The following SPHKAP variants were observed in gnomAD, a reference collection of about 807,000 sequenced individuals.
SPHKAP encodes SPHK1 interactor, AKAP domain containing.
A neutral mutation model predicts 137.5 loss-of-function variants in SPHKAP; 67 were observed. That is an observed-to-expected ratio of 0.49 (90% confidence interval 0.40 to 0.60). The LOEUF (loss-of-function observed/expected upper bound fraction) is 0.60. Among genes scored for constraint, SPHKAP ranks in the 20% least tolerant of loss-of-function variants. The probability of loss-of-function intolerance (pLI) is 0.00; values close to 1 mark genes in which losing one functional copy is unlikely to be tolerated. For missense variants in SPHKAP, 2,097 were observed against 2,069.3 expected (o/e 1.01, Z -0.26); for synonymous variants, 813 against 785.3 (o/e 1.04, Z -0.59).
At chr2:228,122,447 C>T (rs1017789001) in intron 2 of SPHKAP, among the ~76,000 whole-genome samples, 7 of 152,174 alleles carry the variant, frequency 4.6e-5, no homozygotes, top group African/African-American at 1.4e-4. Flanking sequence ...CTGGAGGCAA[C>T]GAGAAGTGAG....
intron 2 of SPHKAP, among the ~76,000 whole-genome samples, chr2:228,114,850 A>C (rs1157744550): frequency 2.0e-5 from 3 of 152,096 alleles, no homozygotes; most frequent in East Asian, 1.9e-4. Context: ...TGATGTCAGC[A>C]CTGAGAATAT....
At chr2:228,070,092 C>A (rs972082086) in intron 3 of SPHKAP, among the ~76,000 whole-genome samples, 1 of 152,194 alleles carries the variant, frequency 6.6e-6, no homozygotes, top group African/African-American at 2.4e-5. Flanking sequence ...GGGATGCCAA[C>A]CCCTGTGCAG....
intron 3 of SPHKAP, among the ~76,000 whole-genome samples, chr2:228,043,845 A>C (rs1695937609): frequency 6.6e-6 from 1 of 152,208 alleles, no homozygotes; most frequent in Admixed American, 6.5e-5. Context: ...CCTTTAAAGT[A>C]ATAAAACATA....
In SPHKAP at chr2:228,158,326, C is replaced by CTTTTTTTTTT. The variant is rs55897294; in HGVS notation, c.32+23231_32+23240dup. Among the ~76,000 whole-genome samples, 9 of 133,058 alleles carry CTTTTTTTTTT rather than the reference C, an allele frequency of 6.8e-5. 2 individuals carry two copies. Among genetic ancestry groups the CTTTTTTTTTT allele is most frequent in the Middle Eastern group, 8.2e-3 (2 of 244 alleles). The allele number at this position is 133,058 out of a possible 152,430, so 87.3% of individuals were successfully genotyped here. ...AATTGTAATTGTAATTTACTTCTTT[C>CTTTTTTTTTT]TTTTTTTTTTTTTTTTTAGCACAGT... On this transcript the variant is annotated intron_variant, in intron 1 of 11. Coordinates refer to ENST00000392056, the MANE Select transcript of SPHKAP (RefSeq NM_001142644.2).
chr2:228,067,285 C>T (rs1159043287), intron 3 of SPHKAP, among the ~76,000 whole-genome samples: 1 of 152,182 alleles, frequency 6.6e-6, no homozygotes, highest in Non-Finnish European at 1.5e-5. Flanking sequence ...ACACTGATGA[C>T]TGCTCTCAAT....
At chr2:228,035,316 A>T (rs1695543416) in intron 3 of SPHKAP, among the ~76,000 whole-genome samples, 1 of 151,844 alleles carries the variant, frequency 6.6e-6, no homozygotes, top group Non-Finnish European at 1.5e-5. Flanking sequence ...TAGGAATCCA[A>T]CTTACAAGGG....
At position 228,062,471 on chromosome 2, in the gene SPHKAP, C is replaced by T. The variant is rs76104808; in HGVS notation, c.247-34928G>A. ...TGTTGCATGTACTCCTCTGTTCTCC[C>T]GGTCTCCACCATTTCCTATCACATC... On this transcript the variant is annotated intron_variant, in intron 3 of 11. Transcript: ENST00000392056. 4.2e-3 allele frequency among the ~76,000 whole-genome samples: 642 copies of T among 152,208 alleles called. 10 individuals are homozygous for T. Among genetic ancestry groups the T allele is most frequent in the African/African-American group, 0.014 (598 of 41,528 alleles).
At chr2:228,168,577 C>T (rs932598241) in intron 1 of SPHKAP, among the ~76,000 whole-genome samples, 20 of 152,120 alleles carry the variant, frequency 1.3e-4, no homozygotes, top group South Asian at 6.2e-4. Flanking sequence ...CAAACTTAAT[C>T]GACAAATGGT....
chr2:228,152,105 C>G (rs116370853), intron 1 of SPHKAP, among the ~76,000 whole-genome samples: 3,033 of 152,112 alleles, frequency 0.02, 103 homozygotes, highest in African/African-American at 0.069. Flanking sequence ...GACATTAATC[C>G]TTGGTATTTG....
chr2:228,085,411 C>A (rs766649397), intron 3 of SPHKAP, among the ~76,000 whole-genome samples: 8 of 152,126 alleles, frequency 5.3e-5, no homozygotes, highest in Non-Finnish European at 1.2e-4. Context: ...GGACTAAGCT[C>A]TCTTGTAGGC....
At chr2:228,154,512 C>CTCTCTCTCTATATATA (rs1393941364) in intron 1 of SPHKAP, among the ~76,000 whole-genome samples, 20 of 22,058 alleles carry the variant, frequency 9.1e-4, no homozygotes, top group East Asian at 8.3e-3. Context: ...CTCTCTCTCT[C>CTCTCTCTCTATATATA]TATATATATA....
chr2:228,165,681 A>C (rs1700402956), intron 1 of SPHKAP, among the ~76,000 whole-genome samples: 4 of 152,206 alleles, frequency 2.6e-5, no homozygotes, highest in African/African-American at 9.6e-5. Flanking sequence ...ACTTAAAGTG[A>C]TTGCAAATTA....
chr2:228,143,612 C>T (rs1699674605), intron 1 of SPHKAP, among the ~76,000 whole-genome samples: 1 of 151,270 alleles, frequency 6.6e-6, no homozygotes, highest in South Asian at 2.1e-4. Context: ...TCTCCTGTGA[C>T]AGCCTCCCAA....
intron 2 of SPHKAP, among the ~76,000 whole-genome samples, chr2:228,121,843 C>G (rs1698914521): frequency 6.6e-6 from 1 of 152,120 alleles, no homozygotes; most frequent in African/African-American, 2.4e-5. Flanking sequence ...TATTCCTTCC[C>G]ACTTTGACAC....
At chr2:228,031,637 C>G (rs1378288424) in intron 3 of SPHKAP, among the ~76,000 whole-genome samples, 1 of 152,194 alleles carries the variant, frequency 6.6e-6, no homozygotes, top group Non-Finnish European at 1.5e-5. Context: ...AGACTGACAC[C>G]TCACACGGCC....
At chr2:228,042,745 T>A (rs959716717) in intron 3 of SPHKAP, among the ~76,000 whole-genome samples, 1 of 152,270 alleles carries the variant, frequency 6.6e-6, no homozygotes, top group Non-Finnish European at 1.5e-5. Context: ...TATTTATTTC[T>A]GTTTAATTAT....
intron 7 of SPHKAP, among the ~76,000 whole-genome samples, chr2:228,001,758 C>T (rs1341364596): frequency 6.6e-6 from 1 of 151,756 alleles, no homozygotes; most frequent in Non-Finnish European, 1.5e-5. Context: ...TGTGATGTTC[C>T]CCTTCCTGTG....
At chr2:228,053,759 C>T (rs1696340709) in intron 3 of SPHKAP, among the ~76,000 whole-genome samples, 1 of 152,110 alleles carries the variant, frequency 6.6e-6, no homozygotes. Flanking sequence ...CTTGGCATTT[C>T]CCTCTGAAGT....
rs1700920745 is a variant in SPHKAP at position 228,181,655 on chromosome 2, G to A, written c.-57C>T. 1 of 1,614,096 alleles carries A rather than the reference G, an allele frequency of 6.2e-7. No homozygotes were observed. ...AAGTGCAGGCGAAGGATAAGTCTGT[G>A]GTGCTAGGACCCAGCTCCCAGAGTG... On this transcript the variant is annotated 5_prime_UTR_variant, in exon 1 of 12. Coordinates refer to ENST00000392056, the MANE Select transcript of SPHKAP (RefSeq NM_001142644.2). This position sits in a 1 kb window ranked among gnomAD's most constrained non-coding sequence, Gnocchi z 4.3.
Sources: allele counts gnomAD v4.1 joint callset (sites outside exome capture counted in the v4.1 genomes callset), GRCh38; gene constraint gnomAD v4.1.1; non-coding constraint Gnocchi (gnomAD v3.1); transcripts MANE v1.5; gene names NCBI Gene and HGNC (gene_info 2026-07-23, HGNC 2026-07-21).